The following AKAP6 variants were observed in gnomAD, a reference collection of about 807,000 sequenced individuals.
AKAP6 encodes the protein A-kinase anchor protein 6.
A neutral mutation model predicts 188.5 loss-of-function variants in AKAP6; 58 were observed. The ratio of observed to expected loss-of-function variants is 0.31; its 90% CI spans 0.25 to 0.38. The LOEUF (loss-of-function observed/expected upper bound fraction) is 0.38. Ranked by LOEUF, AKAP6 falls within the 10% of genes least tolerant of loss-of-function variation. The probability of loss-of-function intolerance (pLI) is 1.00; values close to 1 mark genes in which losing one functional copy is unlikely to be tolerated. For synonymous variants in AKAP6, 989 were observed against 998.6 expected, an observed-to-expected ratio of 0.99 and a Z score of 0.18; for missense variants, 2,710 against 2,740.0, an observed-to-expected ratio of 0.99 and a Z score of 0.24.
At chr14:32,450,205 T>A (rs1043904080) in intron 2 of AKAP6, among the ~76,000 whole-genome samples, 14 of 152,180 alleles carry the variant, frequency 9.2e-5, no homozygotes, top group African/African-American at 4.8e-5. Context: ...TTAGAAGAAT[T>A]TTGAAATTTC....
intron 1 of AKAP6, among the ~76,000 whole-genome samples, chr14:32,378,223 A>G (rs747336441): frequency 3.3e-5 from 5 of 152,210 alleles, no homozygotes; most frequent in African/African-American, 7.2e-5. Context: ...TAGCATCACT[A>G]TAATAATACT....
chr14:32,585,036 T>TC (rs1283371466), intron 5 of AKAP6, among the ~76,000 whole-genome samples: 3 of 151,670 alleles, frequency 2.0e-5, no homozygotes, highest in African/African-American at 7.3e-5. Flanking sequence ...TAACTAGTTT[T>TC]TTTTTTTCCC....
intron 7 of AKAP6, among the ~76,000 whole-genome samples, chr14:32,674,734 G>T (rs943529444): frequency 6.6e-6 from 1 of 152,174 alleles, no homozygotes; most frequent in Non-Finnish European, 1.5e-5. Flanking sequence ...GTGATTGGAG[G>T]TGATTGGTTG....
At chr14:32,333,826 C>G (rs1201644075) in intron 1 of AKAP6, among the ~76,000 whole-genome samples, 2 of 152,082 alleles carry the variant, frequency 1.3e-5, no homozygotes, top group Non-Finnish European at 2.9e-5. Context: ...TGTGGCAGAT[C>G]AGTTAAGGAG....
At chr14:32,735,276 A>G (rs1462759636) in intron 10 of AKAP6, among the ~76,000 whole-genome samples, 1 of 152,140 alleles carries the variant, frequency 6.6e-6, no homozygotes, top group African/African-American at 2.4e-5. Flanking sequence ...GTTTTTTACT[A>G]TAAACTCCTA....
intron 11 of AKAP6, among the ~76,000 whole-genome samples, chr14:32,755,697 T>C (rs898036179): frequency 5.3e-5 from 8 of 152,046 alleles, no homozygotes; most frequent in African/African-American, 1.9e-4. Flanking sequence ...CCAGCAACTT[T>C]TTGAATTTTT....
chr14:32,558,408 G>A (rs543685311), intron 4 of AKAP6, among the ~76,000 whole-genome samples: 1 of 152,212 alleles, frequency 6.6e-6, no homozygotes, highest in South Asian at 2.1e-4. Flanking sequence ...TGCAGTGGGA[G>A]AACAGAAAAA....
chr14:32,551,199 A>G (rs542800306), intron 4 of AKAP6, among the ~76,000 whole-genome samples: 2 of 152,240 alleles, frequency 1.3e-5, no homozygotes, highest in East Asian at 1.9e-4. Context: ...AGATGCCCTC[A>G]TTTATAATTC....
At chr14:32,406,730 G>A (rs932207563) in intron 1 of AKAP6, among the ~76,000 whole-genome samples, 3 of 152,084 alleles carry the variant, frequency 2.0e-5, no homozygotes, top group Admixed American at 6.6e-5. Context: ...AAAAGAAAGA[G>A]AGTGAATCTA....
intron 1 of AKAP6, among the ~76,000 whole-genome samples, chr14:32,371,370 A>G (rs562263648): frequency 6.6e-6 from 1 of 152,282 alleles, no homozygotes; most frequent in East Asian, 1.9e-4. Flanking sequence ...CTTGAGGCCA[A>G]GAGTTCAAGA....
chr14:32,737,597 A>G (rs1160211585), intron 11 of AKAP6, among the ~76,000 whole-genome samples: 1 of 152,110 alleles, frequency 6.6e-6, no homozygotes, highest in Non-Finnish European at 1.5e-5. Context: ...TACATATGGG[A>G]AACCCTCTGC....
intron 1 of AKAP6, chr14:32,402,131 G>C (rs1889115195): frequency 6.6e-6 from 1 of 152,236 alleles, no homozygotes; most frequent in Admixed American, 6.5e-5. Flanking sequence ...GGCTCCTCCG[G>C]CCATGGAGAG....
intron 1 of AKAP6, among the ~76,000 whole-genome samples, chr14:32,387,460 A>G (rs958982377): frequency 6.8e-6 from 1 of 147,658 alleles, no homozygotes; most frequent in Non-Finnish European, 1.5e-5. Flanking sequence ...TATTTATTAT[A>G]TTTATCATTT....
chr14:32,337,446 T>C (rs1466149117), intron 1 of AKAP6, among the ~76,000 whole-genome samples: 1 of 151,918 alleles, frequency 6.6e-6, no homozygotes, highest in Non-Finnish European at 1.5e-5. Flanking sequence ...AAGGTAACAA[T>C]AAAAACTACC....
intron 2 of AKAP6, among the ~76,000 whole-genome samples, chr14:32,435,689 G>T (rs1325753161): frequency 6.6e-6 from 1 of 152,118 alleles, no homozygotes; most frequent in African/African-American, 2.4e-5. Context: ...ACTATTAAGG[G>T]GATAAATATA....
chr14:32,546,393 G>A lies in AKAP6; in HGVS notation c.1740G>A (p.Gln580=). ...SETSSSPAFT[Q]SSESSVGSDN... is the part of the protein sequence containing the mutation. ...CATCCAGTTCACCAGCTTTTACTCA[G>A]AGCAGTGAATCCTCTGTTGGCTCAG... is the stretch of plus-strand genomic sequence containing the variant. The change falls in exon 4 of 14, where the codon CAG becomes CAA. Residue 580 remains glutamine, a synonymous_variant. Transcript: ENST00000280979. The A allele has an allele frequency of 6.2e-7, 1 of 1,614,178 alleles. No homozygotes were observed. Among genetic ancestry groups the A allele is most frequent in the East Asian group, 2.2e-5 (1 of 44,882 alleles).
rs551402556 is a variant in AKAP6 at position 32,346,056 on chromosome 14, TCACAC to T, written c.-35+16650_-35+16654del. Among the ~76,000 whole-genome samples the T allele has an allele frequency of 1.8e-4, 27 of 152,320 alleles. No individual in the cohort carries two copies. In the East Asian group the frequency reaches 5.0e-3, roughly 28 times the overall value. On this transcript the variant is annotated intron_variant, in intron 1 of 13. Coordinates refer to ENST00000280979, the MANE Select transcript of AKAP6 (RefSeq NM_004274.5). ...TTAAACAGAAGTTCTAATATTTTCA[TCACAC>T]CCCAAAGGTTTGCCTTGCATCCCCC...
At chr14:32,377,547 T>G (rs574188663) in intron 1 of AKAP6, among the ~76,000 whole-genome samples, 20 of 152,094 alleles carry the variant, frequency 1.3e-4, no homozygotes, top group Non-Finnish European at 2.4e-4. Flanking sequence ...GGTGCCATGC[T>G]GAGAGAAAGG....
intron 4 of AKAP6, among the ~76,000 whole-genome samples, chr14:32,570,323 TAGC>T (rs1884422316): frequency 4.7e-5 from 5 of 105,948 alleles, no homozygotes; most frequent in African/African-American, 1.7e-4. Context: ...TTTTTTTTTT[TAGC>T]AGAGACAAGG....
Sources: gnomAD v4.1 joint callset for allele counts (sites outside exome capture counted in the v4.1 genomes callset) on GRCh38, gnomAD v4.1.1 for gene constraint, MANE v1.5 for transcripts, NCBI Gene and HGNC (gene_info 2026-07-23, HGNC 2026-07-21) for gene names.